Variants in SLC25A21 observed in about 807,000 individuals in gnomAD.
SLC25A21 encodes the protein mitochondrial 2-oxodicarboxylate carrier.
In SLC25A21, 47 loss-of-function variants were observed where a neutral mutation model predicts 43.8. The observed-to-expected ratio is 1.07, with a 90% CI of 0.85 to 1.37. SLC25A21 has a LOEUF of 1.37. Among genes scored for constraint, SLC25A21 ranks in the 40% most tolerant of loss-of-function variants. The pLI, the probability that SLC25A21 is intolerant of heterozygous loss-of-function variation, is 0.00. For missense variants in SLC25A21, 352 were observed against 350.2 expected (o/e 1.00, Z -0.04); for synonymous variants, 131 against 121.3 (o/e 1.08, Z -0.52).
intron 1 of SLC25A21, among the ~76,000 whole-genome samples, chr14:37,034,927 T>C (rs1188259510): frequency 6.6e-6 from 1 of 152,188 alleles, no homozygotes; most frequent in African/African-American, 2.4e-5. Context: ...ATAGGAGCAT[T>C]TGGGCCAGGC....
chr14:37,067,113 A>T (rs1239215052), intron 1 of SLC25A21, among the ~76,000 whole-genome samples: 1 of 152,202 alleles, frequency 6.6e-6, no homozygotes, highest in Non-Finnish European at 1.5e-5. Flanking sequence ...CCAGAAGAAG[A>T]GAAGAAAAAT....
intron 1 of SLC25A21, among the ~76,000 whole-genome samples, chr14:36,922,291 A>C (rs1053397222): frequency 2.6e-5 from 4 of 152,254 alleles, no homozygotes; most frequent in Admixed American, 1.3e-4. Flanking sequence ...AAAATGGATA[A>C]GCGGCAGTTC....
At chr14:37,134,506 A>G (rs923505538) in intron 1 of SLC25A21, among the ~76,000 whole-genome samples, 7 of 152,142 alleles carry the variant, frequency 4.6e-5, no homozygotes, top group Admixed American at 3.9e-4. Flanking sequence ...TCAGCAGGGC[A>G]CAGTGGCTTG....
chr14:36,754,253 G>T (rs570959152), intron 3 of SLC25A21, among the ~76,000 whole-genome samples: 1 of 152,114 alleles, frequency 6.6e-6, no homozygotes, highest in Non-Finnish European at 1.5e-5. Flanking sequence ...AGAACAAAAG[G>T]CTGACCTTTC....
At chr14:36,846,191 C>T (rs1460333684) in intron 2 of SLC25A21, among the ~76,000 whole-genome samples, 6 of 152,104 alleles carry the variant, frequency 3.9e-5, no homozygotes, top group African/African-American at 1.4e-4. Flanking sequence ...ATTAAAACTT[C>T]TACTTTCTAG....
intron 1 of SLC25A21, among the ~76,000 whole-genome samples, chr14:36,916,540 G>A (rs930411402): frequency 2.6e-5 from 4 of 152,166 alleles, no homozygotes; most frequent in Non-Finnish European, 4.4e-5. Flanking sequence ...TATGCCGATG[G>A]AGTCTACTGA....
chr14:36,746,949 T>G (rs1441307145), intron 3 of SLC25A21, among the ~76,000 whole-genome samples: 1 of 152,158 alleles, frequency 6.6e-6, no homozygotes, highest in Non-Finnish European at 1.5e-5. Context: ...TCATATTACC[T>G]TATAGGTCTG....
At chr14:37,038,040 C>T (rs1292100641) in intron 1 of SLC25A21, among the ~76,000 whole-genome samples, 1 of 152,048 alleles carries the variant, frequency 6.6e-6, no homozygotes, top group African/African-American at 2.4e-5. Context: ...AACTTTATAC[C>T]CACATACTTT....
intron 1 of SLC25A21, among the ~76,000 whole-genome samples, chr14:37,163,340 T>C (rs1963981184): frequency 6.6e-6 from 1 of 151,864 alleles, no homozygotes; most frequent in African/African-American, 2.4e-5. Context: ...CTGTTGTTTA[T>C]GCTGCCCAGT....
chr14:36,965,943 G>A (rs915012676), intron 1 of SLC25A21, among the ~76,000 whole-genome samples: 2 of 152,160 alleles, frequency 1.3e-5, no homozygotes, highest in East Asian at 3.8e-4. Context: ...AATTGCCCAT[G>A]ATGTGATTAT....
chr14:36,691,983 C>T (rs532343993), intron 7 of SLC25A21, among the ~76,000 whole-genome samples: 1 of 152,174 alleles, frequency 6.6e-6, no homozygotes, highest in Admixed American at 6.5e-5. Context: ...AATTCCCTTG[C>T]AAACATTTTA....
chr14:36,763,952 C>A (rs1056702725), intron 3 of SLC25A21, among the ~76,000 whole-genome samples: 1 of 149,768 alleles, frequency 6.7e-6, no homozygotes, highest in East Asian at 2.0e-4. Flanking sequence ...TTGCTTGAAC[C>A]CAGAAGGTGG....
chr14:36,975,596 A>G (rs970036683), intron 1 of SLC25A21, among the ~76,000 whole-genome samples: 1 of 152,232 alleles, frequency 6.6e-6, no homozygotes, highest in Non-Finnish European at 1.5e-5. Flanking sequence ...CAATGGTTAA[A>G]ATGTAATTTT....
chr14:36,812,973 T>C lies in SLC25A21; in HGVS notation c.203+945A>G, dbSNP rs114461450. 9.9e-3 allele frequency among the ~76,000 whole-genome samples: 1,508 copies of C among 152,344 alleles called. 33 individuals are homozygous for C. The highest frequency in any genetic ancestry group is 0.035 in the African/African-American group (1,446 of 41,582). ...CTAAATATATACTAATTATTATTAC[T>C]GTTACATTTTTGAAAGATTATTATT... On this transcript the variant is annotated intron_variant, in intron 3 of 9. Transcript: ENST00000331299.
At chr14:36,954,323 G>C (rs932256648) in intron 1 of SLC25A21, among the ~76,000 whole-genome samples, 2 of 151,882 alleles carry the variant, frequency 1.3e-5, no homozygotes, top group Non-Finnish European at 2.9e-5. Flanking sequence ...CCCCATCCTA[G>C]AGAAGTCCTC....
intron 1 of SLC25A21, among the ~76,000 whole-genome samples, chr14:37,161,012 C>CGG (rs149309236): frequency 2.6e-4 from 21 of 82,054 alleles, no homozygotes; most frequent in Admixed American, 9.2e-4. Flanking sequence ...GTGGAGGGGG[C>CGG]GGGGGGGAGG....
At chr14:36,748,137 A>C (rs1434118145) in intron 3 of SLC25A21, among the ~76,000 whole-genome samples, 3 of 152,222 alleles carry the variant, frequency 2.0e-5, no homozygotes, top group African/African-American at 4.8e-5. Flanking sequence ...TTGACTCCAA[A>C]ACCTCAGCTC....
At chr14:36,833,341 G>A (rs1370666160) in intron 2 of SLC25A21, among the ~76,000 whole-genome samples, 2 of 152,328 alleles carry the variant, frequency 1.3e-5, no homozygotes, top group South Asian at 2.1e-4. Flanking sequence ...AGTGAGCAAG[G>A]TGCTCCCTGG....
intron 1 of SLC25A21, among the ~76,000 whole-genome samples, chr14:36,922,137 T>C (rs1410690838): frequency 7.6e-6 from 1 of 131,230 alleles, no homozygotes; most frequent in Non-Finnish European, 1.7e-5. Flanking sequence ...AGATTCTGCC[T>C]AAAAAAAAAA....
Sources: gnomAD v4.1 joint callset for allele counts (sites outside exome capture counted in the v4.1 genomes callset) on GRCh38, gnomAD v4.1.1 for gene constraint, MANE v1.5 for transcripts, NCBI Gene and HGNC (gene_info 2026-07-23, HGNC 2026-07-21) for gene names.